COMMD1: variants seen among roughly 807,000 people sequenced by gnomAD.
COMMD1 encodes the protein COMM domain-containing protein 1.
In COMMD1, 10 loss-of-function variants were observed where a neutral mutation model predicts 17.2. That is an observed-to-expected ratio of 0.58 (90% CI 0.36 to 0.99). The LOEUF (loss-of-function observed/expected upper bound fraction) is 0.99, where lower values mean the gene tolerates loss of function less well. Ranked by LOEUF, COMMD1 falls within the 50% of genes least tolerant of loss-of-function variation. COMMD1 has a pLI of 0.01. For missense variants in COMMD1, 270 were observed against 231.8 expected (o/e 1.17, Z -1.07); for synonymous variants, 97 against 91.6 (o/e 1.06, Z -0.34).
At chr2:61,978,609 G>A (rs1230635499) in intron 1 of COMMD1, among the ~76,000 whole-genome samples, 1 of 152,170 alleles carries the variant, frequency 6.6e-6, no homozygotes, top group Non-Finnish European at 1.5e-5. Context: ...TCCTTAAGGT[G>A]TTTGCTTGAC....
At chr2:62,042,424 G>A (rs1258370798) in intron 2 of COMMD1, among the ~76,000 whole-genome samples, 2 of 152,188 alleles carry the variant, frequency 1.3e-5, no homozygotes, top group Non-Finnish European at 2.9e-5. Flanking sequence ...CCTCTCAATG[G>A]CACTCTCCGG....
At chr2:61,961,859 C>A (rs1671351325) in intron 1 of COMMD1, among the ~76,000 whole-genome samples, 3 of 151,836 alleles carry the variant, frequency 2.0e-5, no homozygotes, top group Middle Eastern at 3.4e-3. Context: ...TTTAATGTTC[C>A]TTTAAACAAG....
At chr2:62,025,145 G>A (rs868444212) in intron 2 of COMMD1, among the ~76,000 whole-genome samples, 15 of 151,880 alleles carry the variant, frequency 9.9e-5, no homozygotes, top group South Asian at 2.1e-4. Context: ...GCTTCAACCC[G>A]GGAGGTGGAG....
chr2:62,054,403 A>G (rs1670629486), intron 2 of COMMD1, among the ~76,000 whole-genome samples: 1 of 152,264 alleles, frequency 6.6e-6, no homozygotes, highest in Non-Finnish European at 1.5e-5. Flanking sequence ...TCGTATGTTT[A>G]TCACAGCACC....
intron 2 of COMMD1, among the ~76,000 whole-genome samples, chr2:62,113,359 T>A (rs190934685): frequency 9.6e-4 from 146 of 152,026 alleles, no homozygotes; most frequent in African/African-American, 2.6e-3. Context: ...CTCAAAAAAA[T>A]ATATATATAT....
upstream of COMMD1, chr2:61,888,520 T>C: frequency 6.2e-7 from 1 of 1,609,926 alleles, no homozygotes. Context: ...CAAACTCCGC[T>C]GTGTCTGGGT....
At chr2:61,939,336 G>A (rs150303216) in intron 1 of COMMD1, among the ~76,000 whole-genome samples, 4,536 of 151,606 alleles carry the variant, frequency 0.03, 110 homozygotes, top group East Asian at 0.091. Context: ...CATGGTGGCA[G>A]GTGCCTGTGG....
At chr2:62,009,047 G>A (rs1669206216) in intron 2 of COMMD1, among the ~76,000 whole-genome samples, 1 of 152,074 alleles carries the variant, frequency 6.6e-6, no homozygotes, top group South Asian at 2.1e-4. Flanking sequence ...GCCTCCCAAA[G>A]TGTTGGGATT....
At chr2:62,089,982 A>T (rs1474668511) in intron 2 of COMMD1, among the ~76,000 whole-genome samples, 1 of 147,342 alleles carries the variant, frequency 6.8e-6, no homozygotes, top group East Asian at 2.0e-4. Context: ...GGTTGGTAGC[A>T]GTAGTTTTAA....
chr2:62,027,210 T>C (rs1157990986), intron 2 of COMMD1, among the ~76,000 whole-genome samples: 1 of 152,238 alleles, frequency 6.6e-6, no homozygotes, highest in African/African-American at 2.4e-5. Context: ...TTCTGAATTA[T>C]GTGGACTGTA....
At chr2:62,082,808 T>G (rs922035794) in intron 2 of COMMD1, among the ~76,000 whole-genome samples, 1 of 152,144 alleles carries the variant, frequency 6.6e-6, no homozygotes, top group Non-Finnish European at 1.5e-5. Context: ...GATTGGTTGG[T>G]TTTAAGCTTT....
intron 1 of COMMD1, among the ~76,000 whole-genome samples, chr2:61,934,973 A>G (rs1441507401): frequency 2.6e-5 from 4 of 152,208 alleles, no homozygotes; most frequent in Non-Finnish European, 5.9e-5. Context: ...GATTGACAAG[A>G]GAAGAACAAG....
intron 1 of COMMD1, among the ~76,000 whole-genome samples, chr2:61,939,444 C>T (rs950007764): frequency 2.7e-5 from 4 of 149,580 alleles, no homozygotes; most frequent in Admixed American, 6.7e-5. Context: ...CCAGCCTGGG[C>T]GACAGAGCAA....
chr2:61,926,262 C>T (rs939413675), intron 1 of COMMD1, among the ~76,000 whole-genome samples: 3 of 152,080 alleles, frequency 2.0e-5, no homozygotes, highest in Admixed American at 6.5e-5. Context: ...TGAGCCACTG[C>T]GTCTGGCGAG....
At chr2:62,112,354 C>T (rs1672477520) in intron 2 of COMMD1, among the ~76,000 whole-genome samples, 1 of 152,180 alleles carries the variant, frequency 6.6e-6, no homozygotes, top group Non-Finnish European at 1.5e-5. Flanking sequence ...TGTTTTGGGG[C>T]TTGTCATAGC....
At chr2:62,015,254 T>A (rs1388263801) in intron 2 of COMMD1, among the ~76,000 whole-genome samples, 1 of 152,244 alleles carries the variant, frequency 6.6e-6, no homozygotes, top group Non-Finnish European at 1.5e-5. Flanking sequence ...TCTAGGTACC[T>A]CATATAAATA....
chr2:62,132,911 C>A (rs1157048168), intron 2 of COMMD1, among the ~76,000 whole-genome samples: 3 of 152,176 alleles, frequency 2.0e-5, no homozygotes, highest in African/African-American at 7.2e-5. Flanking sequence ...CAGGCTTTCA[C>A]ATCTGAGACC....
chr2:62,062,499 A>T (rs1209855102), intron 2 of COMMD1, among the ~76,000 whole-genome samples: 1 of 152,112 alleles, frequency 6.6e-6, no homozygotes, highest in Non-Finnish European at 1.5e-5. Flanking sequence ...AAGTGCTGGG[A>T]TTACAGGTGT....
chr2:61,977,548 T>G (rs1040190055), intron 1 of COMMD1, among the ~76,000 whole-genome samples: 26 of 152,084 alleles, frequency 1.7e-4, no homozygotes, highest in African/African-American at 6.3e-4. Context: ...CTGGCCAGTC[T>G]GCTAATTTTT....
Sources: gnomAD v4.1 joint callset for allele counts (sites outside exome capture counted in the v4.1 genomes callset) on GRCh38, gnomAD v4.1.1 for gene constraint, MANE v1.5 for transcripts, NCBI Gene and HGNC (gene_info 2026-07-23, HGNC 2026-07-21) for gene names.